Variants in PLRG1 observed in about 807,000 individuals in gnomAD.
PLRG1 encodes the protein pleiotropic regulator 1, also known as pleiotropic regulator 1 (PRL1 homolog, Arabidopsis).
In PLRG1, 28 loss-of-function variants were observed where a neutral mutation model predicts 74.9. The observed-to-expected ratio is 0.37, with a 90% CI of 0.28 to 0.51. The LOEUF (loss-of-function observed/expected upper bound fraction) is 0.51, where lower values mean the gene tolerates loss of function less well. PLRG1 is among the 20% of genes least tolerant of loss of function. The pLI is 0.91. For synonymous variants in PLRG1, 197 were observed against 212.4 expected (o/e 0.93, Z 0.63); for missense variants, 445 against 631.9 (o/e 0.70, Z 3.17).
In PLRG1 at chr4:154,535,407, C is replaced by T. The variant is rs760099825; in HGVS notation, c.*1278G>A. 6.6e-6 allele frequency: 1 copy of T among 151,242 alleles called. No homozygotes were observed. Among genetic ancestry groups the T allele is most frequent in the Non-Finnish European group, 1.5e-5 (1 of 67,812 alleles). The allele number at this position is 151,242 out of a possible 1,614,324, so 9.4% of individuals were successfully genotyped here. Reference sequence around the variant, plus strand: ...CAGATCATTCCCATTAGGCAGTTTCCTAGGAATGAACTTAGTAGGCCAAAA... The same window carrying T: ...CAGATCATTCCCATTAGGCAGTTTCTTAGGAATGAACTTAGTAGGCCAAAA... On this transcript the variant is annotated 3_prime_UTR_variant, in exon 15 of 15. Transcript: ENST00000499023.
intron 4 of PLRG1, 144 bp downstream of exon 4, chr4:154,546,867 T>C (rs1393659653): frequency 2.9e-6 from 2 of 680,966 alleles, no homozygotes; most frequent in Non-Finnish European, 5.4e-6. Flanking sequence ...TGAGTATTCA[T>C]TATTACCTAC....
At chr4:154,541,156 A>C (rs1445147432) in intron 8 of PLRG1, among the ~76,000 whole-genome samples, 1 of 152,200 alleles carries the variant, frequency 6.6e-6, no homozygotes, top group Non-Finnish European at 1.5e-5. Context: ...CAAAAGGTTA[A>C]CCTTCTTGTT....
intron 1 of PLRG1, 75 bp downstream of exon 1, chr4:154,550,225 T>C: frequency 7.8e-7 from 1 of 1,279,812 alleles, no homozygotes. Context: ...CCAAGTACTC[T>C]CAATCCCCCA....
Position 154,550,393 on chromosome 4 carries a change from C to G in PLRG1, c.-85G>C. On this transcript the variant is annotated 5_prime_UTR_variant, in exon 1 of 15. Coordinates refer to ENST00000499023, the MANE Select transcript of PLRG1 (RefSeq NM_002669.4). ...CGCCGCCACAGCTGTGCAGCACCTT[C>G]CGGAATTGGGCGCCCAGGCGGCGGA... is the stretch of plus-strand genomic sequence containing the variant. 1 of 1,360,558 alleles carries G rather than the reference C, an allele frequency of 7.3e-7. No individual in the cohort carries two copies. The highest frequency in any genetic ancestry group is 1.1e-6 in the Non-Finnish European group (1 of 950,550). The allele number at this position is 1,360,558 out of a possible 1,614,324, so 84.3% of individuals were successfully genotyped here.
intron 8 of PLRG1, among the ~76,000 whole-genome samples, chr4:154,541,611 A>C (rs1409336450): frequency 6.6e-6 from 1 of 152,198 alleles, no homozygotes; most frequent in Non-Finnish European, 1.5e-5. Flanking sequence ...AGGAAAACAG[A>C]TTACAGACTA....
Position 154,538,982 on chromosome 4 carries a change from G to A in PLRG1, c.1151+123C>T, listed in dbSNP as rs149363549. ...ATAAAAGAAACACACGTTCCTATGCGGCACAGGCCTAGAAATGACAGCAGC... is the reference window on the plus strand; with the variant it reads ...ATAAAAGAAACACACGTTCCTATGCAGCACAGGCCTAGAAATGACAGCAGC... On this transcript the variant is annotated intron_variant, in intron 12 of 14. Transcript: ENST00000499023. 2.3e-3 allele frequency: 1,540 copies of A among 661,280 alleles called. 21 individuals are homozygous for A. In the African/African-American group the frequency reaches 0.023, roughly 10 times the overall value. The allele number at this position is 661,280 out of a possible 1,614,324, so 41.0% of individuals were successfully genotyped here.
chr4:154,546,866 A>C lies in PLRG1; in HGVS notation c.313+145T>G. The C allele has an allele frequency of 1.8e-5, 12 of 678,058 alleles. 1 individual carries two copies. Among genetic ancestry groups the C allele is most frequent in the South Asian group, 1.7e-4 (10 of 58,036 alleles). 42.0% of individuals were successfully genotyped at this position (678,058 alleles called of 1,614,324 possible). A position where few individuals can be genotyped will look rare whatever the true frequency, so the allele number is the denominator to read the frequency against. On this transcript the variant is annotated intron_variant, in intron 4 of 14. Transcript: ENST00000499023. ...GCTGAATGAAGGCATATGAGTATTC[A>C]TTATTACCTACAAAGCTATGCATGG...
intron 11 of PLRG1, 80 bp downstream of exon 11, chr4:154,539,871 T>C (rs1267949403): frequency 1.7e-5 from 13 of 785,324 alleles, no homozygotes; most frequent in South Asian, 1.2e-4. Context: ...GCAAGAGTCA[T>C]CATGAATATT....
Position 154,536,445 on chromosome 4 carries a change from T to C in PLRG1, c.*240A>G, listed in dbSNP as rs1249038029. 2.4e-6 allele frequency: 1 copy of C among 409,512 alleles called. No individual in the cohort carries two copies. Among genetic ancestry groups the C allele is most frequent in the Non-Finnish European group, 4.3e-6 (1 of 233,236 alleles). 25.4% of individuals were successfully genotyped at this position (409,512 alleles called of 1,614,324 possible). A position where few individuals can be genotyped will look rare whatever the true frequency, so the allele number is the denominator to read the frequency against. ...CTAGAATAGTTATGTTCAATAAACCTGCATTTACTTGATATCTGCATCTTC... is the reference window on the plus strand; with the variant it reads ...CTAGAATAGTTATGTTCAATAAACCCGCATTTACTTGATATCTGCATCTTC... On this transcript the variant is annotated 3_prime_UTR_variant, in exon 15 of 15. Transcript: ENST00000499023.
chr4:154,539,406 TACA>T (rs1195898220), intron 11 of PLRG1, among the ~76,000 whole-genome samples, 193 bp from the exon 12 acceptor site: 3 of 152,088 alleles, frequency 2.0e-5, no homozygotes, highest in East Asian at 3.8e-4. Context: ...AAAAATGCAA[TACA>T]ACAATTGATT....
chr4:154,538,255 T>C, intron 12 of PLRG1, 147 bp from the exon 13 acceptor site: 3 of 443,958 alleles, frequency 6.8e-6, no homozygotes, highest in East Asian at 3.3e-5. Context: ...AATGTAAAAA[T>C]ATTAAGACAT....
Position 154,539,998 on chromosome 4 carries a change from G to A in PLRG1, c.995C>T (p.Ala332Val). The change falls in exon 11 of 15, where the codon GCA becomes GTA. Residue 332 changes from alanine to valine, a missense_variant. By Grantham distance (64) the Ala-to-Val change is moderately conservative (BLOSUM62 0). Coordinates refer to ENST00000499023, the MANE Select transcript of PLRG1 (RefSeq NM_002669.4). ...SVHTLSGHTN[A>V]VATVRCQAAE... ...AGCCTGACATCTCACTGTAGCAACTGCATTTGTATGTCCAGATAATGTGTG... is the reference window on the plus strand; with the variant it reads ...AGCCTGACATCTCACTGTAGCAACTACATTTGTATGTCCAGATAATGTGTG... The A allele has an allele frequency of 6.2e-7, 1 of 1,602,930 alleles. No homozygotes were observed.
chr4:154,545,712 T>C (rs1368775926), intron 6 of PLRG1, 124 bp downstream of exon 6: 4 of 566,238 alleles, frequency 7.1e-6, no homozygotes, highest in Non-Finnish European at 1.3e-5. Flanking sequence ...ACTTGAGTTT[T>C]AGGGCTATGA....
rs967935060 is a variant in PLRG1 at position 154,547,000 on chromosome 4, A to G, written c.313+11T>C. The G allele has an allele frequency of 6.3e-7, 1 of 1,575,366 alleles. No homozygotes were observed. Among genetic ancestry groups the G allele is most frequent in the Non-Finnish European group, 8.7e-7 (1 of 1,144,818 alleles). On this transcript the variant is annotated intron_variant, in intron 4 of 14. Coordinates refer to ENST00000499023, the MANE Select transcript of PLRG1 (RefSeq NM_002669.4). Reference sequence around the variant, plus strand: ...TTTTAAGACATTTTCAATATATAACAGCTCACTAACCAGGTCCTGGTGGGT... The same window carrying G: ...TTTTAAGACATTTTCAATATATAACGGCTCACTAACCAGGTCCTGGTGGGT...
chr4:154,538,508 G>A (rs1381287600), intron 12 of PLRG1, among the ~76,000 whole-genome samples: 1 of 151,738 alleles, frequency 6.6e-6, no homozygotes, highest in East Asian at 1.9e-4. Context: ...GAGAACAGGA[G>A]GGAGGAGAGG....
intron 12 of PLRG1, among the ~76,000 whole-genome samples, chr4:154,538,548 GA>G (rs1729496637): frequency 6.6e-6 from 1 of 151,808 alleles, no homozygotes; most frequent in African/African-American, 2.4e-5. Flanking sequence ...ATAAGCAAAG[GA>G]AGGAAGAAGA....
Position 154,540,002 on chromosome 4 carries a change from T to C in PLRG1, c.991A>G (p.Asn331Asp). 3.1e-6 allele frequency: 5 copies of C among 1,603,998 alleles called. No homozygotes were observed. The highest frequency in any genetic ancestry group is 4.3e-6 in the Non-Finnish European group (5 of 1,170,912). Residue 331 changes from asparagine to aspartate, a missense_variant, in exon 11 of 15, where the codon AAT becomes GAT. By Grantham distance (23) the Asn-to-Asp change is conservative. Transcript: ENST00000499023. ...TGACATCTCACTGTAGCAACTGCAT[T>C]TGTATGTCCAGATAATGTGTGTACA... ...ASVHTLSGHT[N>D]AVATVRCQAA...
chr4:154,541,068 G>T, intron 8 of PLRG1, 134 bp from the exon 9 acceptor site: 1 of 570,326 alleles, frequency 1.8e-6, no homozygotes, highest in Non-Finnish European at 2.8e-6. Flanking sequence ...AAAAAATTTT[G>T]CAAAATGACT....
At chr4:154,539,035 A>G in intron 12 of PLRG1, 70 bp downstream of exon 12, 1 of 909,632 alleles carries the variant, frequency 1.1e-6, no homozygotes, top group South Asian at 1.3e-5. Flanking sequence ...CAGTGCTAAC[A>G]CCACTAGCAT....
Sources: gnomAD v4.1 joint callset for allele counts (sites outside exome capture counted in the v4.1 genomes callset) on GRCh38, gnomAD v4.1.1 for gene constraint, MANE v1.5 for transcripts, NCBI Gene and HGNC (gene_info 2026-07-23, HGNC 2026-07-21) for gene names.